STAT3: variants seen among roughly 807,000 people sequenced by gnomAD.
STAT3 encodes DNA-binding protein APRF.
STAT3 carries 7 observed loss-of-function variants against 114.3 expected under a neutral mutation model. The ratio of observed to expected loss-of-function variants is 0.06; its 90% CI spans 0.03 to 0.11. The LOEUF (loss-of-function observed/expected upper bound fraction) is 0.11, where lower values mean the gene tolerates loss of function less well. Among genes scored for constraint, STAT3 ranks in the 10% least tolerant of loss-of-function variants. The probability of loss-of-function intolerance (pLI) is 1.00; values close to 1 mark genes in which losing one functional copy is unlikely to be tolerated. For synonymous variants in STAT3, 331 were observed against 354.5 expected (o/e 0.93, Z 0.74); for missense variants, 364 against 960.9 (o/e 0.38, Z 8.21).
In STAT3 at chr17:42,313,457, T is replaced by C. The variant is rs2081147221; in HGVS notation, c.*2288A>G. On this transcript the variant is annotated 3_prime_UTR_variant, in exon 24 of 24. Coordinates refer to ENST00000264657, the MANE Select transcript of STAT3 (RefSeq NM_139276.3). The stretch of plus-strand genomic sequence containing the variant: ...TACACTATGAAGTACACATTGGAAT[T>C]TGAATGCAGTGGCCAGGACAGCAGC... 1 of 226,182 alleles carries C rather than the reference T, an allele frequency of 4.4e-6. No homozygotes were observed. Among genetic ancestry groups the C allele is most frequent in the Non-Finnish European group, 8.8e-6 (1 of 113,974 alleles). The allele number at this position is 226,182 out of a possible 1,614,324, so 14.0% of individuals were successfully genotyped here. A position where few individuals can be genotyped will look rare whatever the true frequency, so the allele number is the denominator to read the frequency against.
chr17:42,380,394 G>A (rs924303143), intron 1 of STAT3, among the ~76,000 whole-genome samples: 24 of 148,432 alleles, frequency 1.6e-4, no homozygotes, highest in African/African-American at 5.3e-4. Context: ...TTTGTTTTTC[G>A]GTTTTTTTGA....
chr17:42,348,625 A>C, intron 1 of STAT3, 86 bp from the exon 2 acceptor site: 1 of 1,502,432 alleles, frequency 6.7e-7, no homozygotes, highest in Non-Finnish European at 9.1e-7. Context: ...CACAGGTGTC[A>C]GGTCTGTGAC....
chr17:42,333,563 T>C lies in STAT3; in HGVS notation c.1049+110A>G, dbSNP rs2082110492. 1 of 1,243,122 alleles carries C rather than the reference T, an allele frequency of 8.0e-7. No homozygotes were observed. The highest frequency in any genetic ancestry group is 1.2e-6 in the Non-Finnish European group (1 of 861,254). The allele number at this position is 1,243,122 out of a possible 1,614,324, so 77.0% of individuals were successfully genotyped here. A position where few individuals can be genotyped will look rare whatever the true frequency, so the allele number is the denominator to read the frequency against. On this transcript the variant is annotated intron_variant, in intron 10 of 23. Transcript: ENST00000264657. The surrounding 1 kb of genome is among the most constrained non-coding windows in gnomAD (Gnocchi z 5.2). ...AAATTTCAACCCCGCAACAGTGTAC[T>C]GCCTGTGACACCACACCTGGAAAGA...
Position 42,329,736 on chromosome 17 carries a change from G to A in STAT3, c.1139+11C>T, listed in dbSNP as rs997118649. The A allele has an allele frequency of 4.3e-6, 7 of 1,614,108 alleles. No individual in the cohort carries two copies. Among genetic ancestry groups the A allele is most frequent in the Middle Eastern group, 1.6e-4 (1 of 6,084 alleles). ...AAACGGAACAAAAGGAAGCCTCTAG[G>A]CTGAACTTACCCTCTGAGAGCTGCA... On this transcript the variant is annotated intron_variant, in intron 12 of 23. Transcript: ENST00000264657.
chr17:42,329,230 G>A (rs2081881732), intron 14 of STAT3, among the ~76,000 whole-genome samples, 180 bp downstream of exon 14: 2 of 152,214 alleles, frequency 1.3e-5, no homozygotes, highest in South Asian at 4.1e-4. Context: ...TTCCAAGCCA[G>A]AGAGCTCCAT....
chr17:42,385,168 A>G (rs1258663698), intron 1 of STAT3, among the ~76,000 whole-genome samples: 1 of 152,200 alleles, frequency 6.6e-6, no homozygotes, highest in Non-Finnish European at 1.5e-5. Flanking sequence ...TTCTGTGAAC[A>G]AGATACAACT....
chr17:42,346,755 C>T (rs780679026), intron 2 of STAT3, 42 bp from the exon 3 acceptor site: 65 of 1,613,336 alleles, frequency 4.0e-5, no homozygotes, highest in Non-Finnish European at 3.7e-5. Context: ...CTGAAGCCGA[C>T]GCATACACAC....
chr17:42,332,250 T>C (rs2082048985), intron 10 of STAT3, among the ~76,000 whole-genome samples: 1 of 148,180 alleles, frequency 6.7e-6, no homozygotes, highest in South Asian at 2.2e-4. Flanking sequence ...TTAAAAAAAT[T>C]AAAATAGGGC....
Position 42,388,415 on chromosome 17 carries a change from G to A in STAT3, c.-160C>T, listed in dbSNP as rs1442025173. On this transcript the variant is annotated 5_prime_UTR_variant, in exon 1 of 24. Transcript: ENST00000264657. The stretch of plus-strand genomic sequence containing the variant: ...AAGCCGGGGTGCCTGTCCAGGATCC[G>A]GTTGGGGCTTGTTCCCTCGGCTGCG... 2.4e-6 allele frequency: 3 copies of A among 1,231,634 alleles called. No homozygotes were observed. The highest frequency in any genetic ancestry group is 3.0e-6 in the Non-Finnish European group (3 of 987,962). 76.3% of individuals were successfully genotyped at this position (1,231,634 alleles called of 1,614,324 possible).
chr17:42,351,805 C>A lies in STAT3; in HGVS notation c.-23-3266G>T, dbSNP rs576195530. 2.6e-3 allele frequency among the ~76,000 whole-genome samples: 393 copies of A among 152,262 alleles called. 1 individual carries two copies. Among genetic ancestry groups the A allele is most frequent in the Non-Finnish European group, 3.3e-3 (223 of 68,026 alleles). ...TGTTTTTGAGATGGAATCGCCTAGG[C>A]TGGAGTGCAGTGGTGCAATCTCACC... On this transcript the variant is annotated intron_variant, in intron 1 of 23. Transcript: ENST00000264657.
intron 1 of STAT3, among the ~76,000 whole-genome samples, chr17:42,386,562 A>C (rs2085115854): frequency 6.6e-6 from 1 of 151,872 alleles, no homozygotes; most frequent in Admixed American, 6.6e-5. Context: ...TATGGTGCTT[A>C]GACTAGACTC....
intron 1 of STAT3, among the ~76,000 whole-genome samples, chr17:42,376,453 A>C (rs1397380827): frequency 6.6e-6 from 1 of 150,582 alleles, no homozygotes; most frequent in Non-Finnish European, 1.5e-5. Flanking sequence ...AGGCTGAGGC[A>C]GGAGAATCAC....
At chr17:42,385,241 G>A (rs2085032174) in intron 1 of STAT3, among the ~76,000 whole-genome samples, 1 of 152,146 alleles carries the variant, frequency 6.6e-6, no homozygotes, top group South Asian at 2.1e-4. Context: ...AGGCAAGGTG[G>A]TTCACGCCTG....
intron 1 of STAT3, among the ~76,000 whole-genome samples, chr17:42,382,402 G>C (rs1454733485): frequency 2.6e-5 from 4 of 152,128 alleles, no homozygotes; most frequent in Non-Finnish European, 4.4e-5. Context: ...TTCTGACTAG[G>C]AAGTGGCAGA....
At chr17:42,380,656 T>C (rs906624719) in intron 1 of STAT3, among the ~76,000 whole-genome samples, 8 of 152,178 alleles carry the variant, frequency 5.3e-5, no homozygotes, top group Non-Finnish European at 1.2e-4. Flanking sequence ...CCCAAAGTGC[T>C]GGGATTACAG....
intron 1 of STAT3, among the ~76,000 whole-genome samples, chr17:42,360,144 A>G (rs951734809): frequency 4.0e-5 from 6 of 151,772 alleles, no homozygotes; most frequent in South Asian, 4.2e-4. Context: ...CTGGAATCAT[A>G]ACGCACAGTC....
chr17:42,369,631 TA>T (rs2083996465), intron 1 of STAT3, among the ~76,000 whole-genome samples: 2 of 152,076 alleles, frequency 1.3e-5, no homozygotes, highest in Admixed American at 6.6e-5. Context: ...TTGTTGTTTT[TA>T]ATTCAGTTTC....
intron 1 of STAT3, among the ~76,000 whole-genome samples, chr17:42,386,090 G>A (rs1373592176): frequency 6.6e-6 from 1 of 152,044 alleles, no homozygotes; most frequent in Non-Finnish European, 1.5e-5. Context: ...GACCAGCCTG[G>A]CCAATATGGT....
In STAT3 at chr17:42,356,543, T is replaced by A. The variant is rs577321555; in HGVS notation, c.-23-8004A>T. On this transcript the variant is annotated intron_variant, in intron 1 of 23. Coordinates refer to ENST00000264657, the MANE Select transcript of STAT3 (RefSeq NM_139276.3). The stretch of plus-strand genomic sequence containing the variant: ...TGTGTGTATATATATATATATATTT[T>A]TTTTTTTTTACATTGGAGTCATAGC... Among the ~76,000 whole-genome samples, 823 of 141,456 alleles carry A rather than the reference T, an allele frequency of 5.8e-3. 4 individuals are homozygous for A. The highest frequency in any genetic ancestry group is 8.3e-3 in the Non-Finnish European group (547 of 66,076). The allele number at this position is 141,456 out of a possible 152,430, so 92.8% of individuals were successfully genotyped here.
Sources: allele counts gnomAD v4.1 joint callset (sites outside exome capture counted in the v4.1 genomes callset), GRCh38; gene constraint gnomAD v4.1.1; non-coding constraint Gnocchi (gnomAD v3.1); transcripts MANE v1.5; gene names NCBI Gene and HGNC (gene_info 2026-07-23, HGNC 2026-07-21).